Variants in CUBN observed in about 807,000 individuals in gnomAD.
The protein encoded by CUBN is cubilin.
Under a neutral mutation model 405.3 loss-of-function variants are expected in CUBN, and 282 were observed. The ratio of observed to expected loss-of-function variants is 0.70; its 90% CI spans 0.63 to 0.77. CUBN has a LOEUF of 0.77. CUBN is among the 30% of genes least tolerant of loss of function. The probability of loss-of-function intolerance (pLI) is 0.00; values close to 1 mark genes in which losing one functional copy is unlikely to be tolerated. For synonymous variants in CUBN, 1,684 were observed against 1,617.0 expected (o/e 1.04, Z -0.99); for missense variants, 4,514 against 4,475.2 (o/e 1.01, Z -0.25).
chr10:17,121,077 A>C (rs193143962), intron 6 of CUBN, among the ~76,000 whole-genome samples: 16 of 152,360 alleles, frequency 1.1e-4, no homozygotes, highest in South Asian at 4.1e-4. Context: ...AGGCAGGGAA[A>C]AAAGGCTTCA....
chr10:16,892,936 G>A (rs560284256), intron 54 of CUBN, among the ~76,000 whole-genome samples: 4 of 152,102 alleles, frequency 2.6e-5, no homozygotes, highest in Non-Finnish European at 4.4e-5. Context: ...TTATAGATTC[G>A]ACAACTCTAC....
At chr10:17,117,016 T>C (rs1176229390) in intron 6 of CUBN, among the ~76,000 whole-genome samples, 1 of 152,232 alleles carries the variant, frequency 6.6e-6, no homozygotes, top group Non-Finnish European at 1.5e-5. Flanking sequence ...CATTAATATA[T>C]GACATTTCTG....
Position 16,903,902 on chromosome 10 carries a change from T to C in CUBN, c.8062+64A>G. On this transcript the variant is annotated intron_variant, in intron 51 of 66. Coordinates refer to ENST00000377833, the MANE Select transcript of CUBN (RefSeq NM_001081.4). ...AATCTAACAAAATATATATGAAATC[T>C]TTATGGAAAAAAATCATTAATCTTT... 3.5e-6 allele frequency: 4 copies of C among 1,153,562 alleles called. No homozygotes were observed. In the South Asian group the frequency reaches 6.1e-5, roughly 18 times the overall value. 71.5% of individuals were successfully genotyped at this position (1,153,562 alleles called of 1,614,324 possible).
intron 21 of CUBN, 115 bp downstream of exon 21, chr10:17,067,949 G>A: frequency 1.3e-6 from 1 of 786,402 alleles, no homozygotes; most frequent in South Asian, 1.5e-5. Context: ...TCATTAAGAA[G>A]CATGAGGATC....
Position 17,065,644 on chromosome 10 carries a change from C to T in CUBN, c.3009-6G>A. ...GGATCGACTTTCCACAGTATCTATT[C>T]CAAACCAAGAAAGGACAGATGTGTG... On this transcript the variant is annotated splice_region_variant and splice_polypyrimidine_tract_variant and intron_variant, in intron 21 of 66. Transcript: ENST00000377833. The T allele has an allele frequency of 6.2e-7, 1 of 1,613,086 alleles. No individual in the cohort carries two copies. The highest frequency in any genetic ancestry group is 8.5e-7 in the Non-Finnish European group (1 of 1,179,244).
intron 31 of CUBN, among the ~76,000 whole-genome samples, chr10:16,971,805 AT>A (rs147113234): frequency 6.7e-6 from 1 of 149,894 alleles, no homozygotes; most frequent in Non-Finnish European, 1.5e-5. Context: ...ATATTTCTCC[AT>A]TTTTTTTAAA....
chr10:16,900,801 T>TC lies in CUBN; in HGVS notation c.8233dup (p.Asp2745GlyfsTer12). 5 of 1,614,086 alleles carry TC rather than the reference T, an allele frequency of 3.1e-6. No homozygotes were observed. The highest frequency in any genetic ancestry group is 4.2e-6 in the Non-Finnish European group (5 of 1,180,006). ...CCCACCATTCCTGACAGTGACAGAGTCCCAAGCACAAGTTGTATGGGGTTC... is the reference window on the plus strand; with the variant it reads ...CCCACCATTCCTGACAGTGACAGAGTCCCCAAGCACAAGTTGTATGGGGTTC... On this transcript the variant is annotated frameshift_variant, in exon 53 of 67. Transcript: ENST00000377833. LOFTEE classifies it high-confidence loss of function.
At chr10:16,961,109 C>T (rs1469089779) in intron 31 of CUBN, among the ~76,000 whole-genome samples, 2 of 152,188 alleles carry the variant, frequency 1.3e-5, no homozygotes, top group African/African-American at 4.8e-5. Context: ...GGGTCTTACC[C>T]TGTCACCCAG....
intron 27 of CUBN, among the ~76,000 whole-genome samples, chr10:17,024,391 C>T (rs1834596492): frequency 6.6e-6 from 1 of 152,114 alleles, no homozygotes; most frequent in Non-Finnish European, 1.5e-5. Context: ...CTTTCAAGTG[C>T]CTTGCTTGCT....
At chr10:16,940,518 T>G (rs1472737290) in intron 36 of CUBN, among the ~76,000 whole-genome samples, 1 of 152,088 alleles carries the variant, frequency 6.6e-6, no homozygotes, top group Non-Finnish European at 1.5e-5. Flanking sequence ...GGCAGAATAG[T>G]GTGAGTGCCA....
intron 28 of CUBN, among the ~76,000 whole-genome samples, chr10:17,002,938 G>A (rs2131742885): frequency 6.6e-6 from 1 of 152,206 alleles, no homozygotes; most frequent in East Asian, 1.9e-4. Flanking sequence ...CTGTGCTTTG[G>A]TTCCACACTA....
At chr10:16,839,055 C>G (rs986956576) in intron 62 of CUBN, among the ~76,000 whole-genome samples, 5 of 152,162 alleles carry the variant, frequency 3.3e-5, no homozygotes, top group Non-Finnish European at 7.3e-5. Flanking sequence ...TTCAATTCAA[C>G]CTATACATAA....
intron 36 of CUBN, among the ~76,000 whole-genome samples, chr10:16,943,617 G>C (rs1483225273): frequency 6.6e-6 from 1 of 152,166 alleles, no homozygotes; most frequent in Admixed American, 6.5e-5. Flanking sequence ...ATTTTCCTCA[G>C]AACGTAAATT....
At chr10:16,916,959 G>A (rs1841901373) in intron 45 of CUBN, among the ~76,000 whole-genome samples, 1 of 151,638 alleles carries the variant, frequency 6.6e-6, no homozygotes, top group Admixed American at 6.6e-5. Flanking sequence ...AATTACAGGT[G>A]CCCACCACCA....
At chr10:17,116,364 C>G (rs1836898854) in intron 6 of CUBN, among the ~76,000 whole-genome samples, 1 of 152,174 alleles carries the variant, frequency 6.6e-6, no homozygotes, top group Non-Finnish European at 1.5e-5. Context: ...AGCATGGGAG[C>G]TAGGGGAGGA....
In CUBN at chr10:16,942,177, C is replaced by T. The variant is rs139144602; in HGVS notation, c.5343-1940G>A. ...GCTGACAAGATCAATTGTTGACAAG[C>T]GTGCAAAGCAACTGAAGTCTTATAT... On this transcript the variant is annotated intron_variant, in intron 36 of 66. Transcript: ENST00000377833. Among the ~76,000 whole-genome samples, 961 of 152,244 alleles carry T rather than the reference C, an allele frequency of 6.3e-3. 6 individuals are homozygous for T. Among genetic ancestry groups the T allele is most frequent in the Non-Finnish European group, 6.0e-3 (405 of 68,010 alleles).
Position 16,950,037 on chromosome 10 carries a change from T to C in CUBN, c.5044A>G (p.Ile1682Val). The C allele has an allele frequency of 6.2e-7, 1 of 1,614,048 alleles. No individual in the cohort carries two copies. Among genetic ancestry groups the C allele is most frequent in the Non-Finnish European group, 8.5e-7 (1 of 1,179,982 alleles). Residue 1682 changes from isoleucine (I) to valine (V), a missense_variant, in exon 34 of 67, where the codon ATT becomes GTT. Transcript: ENST00000377833. The part of the protein sequence containing the change: ...STTCARDFVE[I>V]LDGGHEDAPL... Reference sequence around the variant, plus strand: ...GCGTCTTCGTGGCCGCCATCCAAAATTTCTACAAAGTCACGTGCACACGTT... The same window carrying C: ...GCGTCTTCGTGGCCGCCATCCAAAACTTCTACAAAGTCACGTGCACACGTT...
At chr10:16,963,337 C>A (rs912882432) in intron 31 of CUBN, among the ~76,000 whole-genome samples, 11 of 151,528 alleles carry the variant, frequency 7.3e-5, no homozygotes, top group Admixed American at 7.2e-4. Context: ...AGGTACACAC[C>A]ACCACGCCCA....
At chr10:16,924,913 A>G (rs1205515304) in intron 43 of CUBN, among the ~76,000 whole-genome samples, 1 of 151,316 alleles carries the variant, frequency 6.6e-6, no homozygotes, top group African/African-American at 2.4e-5. Flanking sequence ...ACAATTAGAC[A>G]TCTTATAATG....
Sources: allele counts gnomAD v4.1 joint callset (sites outside exome capture counted in the v4.1 genomes callset), GRCh38; gene constraint gnomAD v4.1.1; transcripts MANE v1.5; gene names NCBI Gene and HGNC (gene_info 2026-07-23, HGNC 2026-07-21).